Variants in GULP1 observed in about 807,000 individuals in gnomAD.
GULP1 encodes the protein PTB domain-containing engulfment adapter protein 1.
In GULP1, 19 loss-of-function variants were observed where a neutral mutation model predicts 40.9. The ratio of observed to expected loss-of-function variants is 0.46; its 90% CI spans 0.32 to 0.68. The LOEUF is 0.68. Among genes scored for constraint, GULP1 ranks in the 30% least tolerant of loss-of-function variants. The pLI is 0.03. For synonymous variants in GULP1, 119 were observed against 117.6 expected (o/e 1.01, Z -0.08); for missense variants, 312 against 362.2 (o/e 0.86, Z 1.12).
At chr2:188,575,342 C>T (rs1035210446) in intron 9 of GULP1, among the ~76,000 whole-genome samples, 5 of 152,056 alleles carry the variant, frequency 3.3e-5, no homozygotes, top group African/African-American at 9.7e-5. Context: ...TATTTCCATA[C>T]GTCTAGGCTC....
chr2:188,416,283 G>A (rs972664867), intron 2 of GULP1, among the ~76,000 whole-genome samples: 3 of 151,440 alleles, frequency 2.0e-5, no homozygotes, highest in Admixed American at 6.6e-5. Context: ...GGGTATTGTA[G>A]CCCTTTCAAA....
At chr2:188,534,809 C>T (rs1039997088) in intron 6 of GULP1, among the ~76,000 whole-genome samples, 2 of 151,938 alleles carry the variant, frequency 1.3e-5, no homozygotes, top group Non-Finnish European at 2.9e-5. Flanking sequence ...AATTCTGTTT[C>T]TTAAGCTTTT....
intron 1 of GULP1, among the ~76,000 whole-genome samples, chr2:188,362,387 G>T (rs773171222): frequency 9.2e-5 from 14 of 152,044 alleles, no homozygotes; most frequent in Non-Finnish European, 2.1e-4. Context: ...GTGTTTTTCA[G>T]AACTCATTTT....
intron 1 of GULP1, among the ~76,000 whole-genome samples, chr2:188,319,307 A>G (rs901412282): frequency 2.6e-5 from 4 of 152,176 alleles, no homozygotes; most frequent in African/African-American, 9.7e-5. Flanking sequence ...GTTTACCTTC[A>G]TGGCCCCCTT....
At chr2:188,535,065 A>G (rs999864847) in intron 6 of GULP1, among the ~76,000 whole-genome samples, 5 of 151,054 alleles carry the variant, frequency 3.3e-5, no homozygotes, top group Non-Finnish European at 5.9e-5. Context: ...TAAATTGGTA[A>G]TATTTAATTA....
intron 7 of GULP1, among the ~76,000 whole-genome samples, chr2:188,550,973 G>A (rs1029976663): frequency 6.6e-6 from 1 of 151,264 alleles, no homozygotes; most frequent in African/African-American, 2.4e-5. Flanking sequence ...TACATATCAA[G>A]TCCCTGAGTT....
At chr2:188,543,999 A>G (rs1383377142) in intron 7 of GULP1, among the ~76,000 whole-genome samples, 1 of 152,122 alleles carries the variant, frequency 6.6e-6, no homozygotes, top group Non-Finnish European at 1.5e-5. Flanking sequence ...AGTGAGGACC[A>G]TTCAACCCTG....
intron 7 of GULP1, among the ~76,000 whole-genome samples, chr2:188,550,428 T>G (rs1693160365): frequency 6.6e-6 from 1 of 151,668 alleles, no homozygotes; most frequent in Non-Finnish European, 1.5e-5. Flanking sequence ...ATTTTCTTTA[T>G]TTTTCACAAT....
intron 7 of GULP1, among the ~76,000 whole-genome samples, chr2:188,552,003 T>A (rs1221445151): frequency 6.6e-6 from 1 of 150,452 alleles, no homozygotes; most frequent in African/African-American, 2.4e-5. Flanking sequence ...TTCTTTCCCA[T>A]TTTTTTTTAA....
rs372950120 is a variant in GULP1 at position 188,568,432 on chromosome 2, G to A, written c.400-807G>A. Reference sequence around the variant, plus strand: ...GACATTATGAATTCAGTGGAGATATGAATGGAGAAGAAATGAGCTTGTGGA... The same window carrying A: ...GACATTATGAATTCAGTGGAGATATAAATGGAGAAGAAATGAGCTTGTGGA... On this transcript the variant is annotated intron_variant, in intron 7 of 11. Coordinates refer to ENST00000409830, the MANE Select transcript of GULP1 (RefSeq NM_016315.4). 3.9e-4 allele frequency among the ~76,000 whole-genome samples: 59 copies of A among 152,276 alleles called. No homozygotes were observed. In the East Asian group the frequency reaches 5.0e-3, roughly 13 times the overall value.
chr2:188,356,168 G>A (rs193248973), intron 1 of GULP1, among the ~76,000 whole-genome samples: 16 of 152,128 alleles, frequency 1.1e-4, no homozygotes, highest in African/African-American at 3.9e-4. Flanking sequence ...ATTCAACATG[G>A]TACTGAAAGT....
chr2:188,313,914 A>G (rs2038626395), intron 1 of GULP1, among the ~76,000 whole-genome samples: 1 of 151,940 alleles, frequency 6.6e-6, no homozygotes, highest in Admixed American at 6.6e-5. Flanking sequence ...GGTCCTTCAC[A>G]TACCTTGTTA....
At chr2:188,363,387 T>C (rs879134273) in intron 1 of GULP1, among the ~76,000 whole-genome samples, 2 of 152,102 alleles carry the variant, frequency 1.3e-5, no homozygotes, top group Admixed American at 1.3e-4. Flanking sequence ...CAAGAATTAA[T>C]TGACTAGAGT....
chr2:188,475,662 C>CA (rs2060949847), intron 2 of GULP1, among the ~76,000 whole-genome samples: 1 of 151,984 alleles, frequency 6.6e-6, no homozygotes. Flanking sequence ...CCAGAGAAGA[C>CA]AGATTTTACA....
At chr2:188,388,332 C>T (rs576603589) in intron 2 of GULP1, among the ~76,000 whole-genome samples, 1 of 143,864 alleles carries the variant, frequency 7.0e-6, no homozygotes, top group Non-Finnish European at 1.5e-5. Flanking sequence ...AGTTCAAGAC[C>T]ATCCTGGAAA....
chr2:188,513,877 T>C (rs1460705963), intron 4 of GULP1, among the ~76,000 whole-genome samples: 2 of 152,132 alleles, frequency 1.3e-5, no homozygotes, highest in Admixed American at 6.5e-5. Context: ...GGTTATAAGG[T>C]TGATGAGAAA....
chr2:188,381,194 A>G (rs2152495932), intron 1 of GULP1, among the ~76,000 whole-genome samples: 1 of 152,244 alleles, frequency 6.6e-6, no homozygotes, highest in East Asian at 1.9e-4. Context: ...TATCAGACAT[A>G]GAATAATAGA....
intron 11 of GULP1, chr2:188,589,967 T>C (rs1206750635): frequency 4.0e-6 from 1 of 247,056 alleles, no homozygotes; most frequent in Admixed American, 9.0e-5. Context: ...ATTGTTTCCT[T>C]TCTTTTCTTT....
chr2:188,391,159 T>C (rs180929016), intron 2 of GULP1, among the ~76,000 whole-genome samples: 2 of 152,280 alleles, frequency 1.3e-5, no homozygotes. Flanking sequence ...TGTTGCTATT[T>C]TGATGGAATT....
Sources: allele counts gnomAD v4.1 joint callset (sites outside exome capture counted in the v4.1 genomes callset), GRCh38; gene constraint gnomAD v4.1.1; transcripts MANE v1.5; gene names NCBI Gene and HGNC (gene_info 2026-07-23, HGNC 2026-07-21).